Variants in CTNNA3 observed in about 807,000 individuals in gnomAD.
CTNNA3 encodes catenin alpha-3.
A neutral mutation model predicts 95.7 loss-of-function variants in CTNNA3; 76 were observed. That is an observed-to-expected ratio of 0.79 (90% CI 0.66 to 0.96). CTNNA3 has a LOEUF of 0.96. Ranked by LOEUF, CTNNA3 falls within the 40% of genes least tolerant of loss-of-function variation. The pLI is 0.00. For synonymous variants in CTNNA3, 431 were observed against 374.4 expected (o/e 1.15, Z -1.74); for missense variants, 1,191 against 1,089.8 (o/e 1.09, Z -1.31).
At chr10:66,910,629 T>G (rs970894423) in intron 7 of CTNNA3, among the ~76,000 whole-genome samples, 4 of 152,178 alleles carry the variant, frequency 2.6e-5, no homozygotes, top group African/African-American at 9.7e-5. Flanking sequence ...AGATAACATG[T>G]AAAGCCAACT....
At chr10:66,258,466 A>T (rs1172563257) in intron 13 of CTNNA3, among the ~76,000 whole-genome samples, 1 of 152,152 alleles carries the variant, frequency 6.6e-6, no homozygotes, top group Non-Finnish European at 1.5e-5. Context: ...CTTTATATGA[A>T]GCCCTCCAGG....
intron 10 of CTNNA3, among the ~76,000 whole-genome samples, chr10:66,574,808 T>C (rs1269743535): frequency 6.6e-6 from 1 of 152,150 alleles, no homozygotes; most frequent in Non-Finnish European, 1.5e-5. Context: ...AGGATGCTCA[T>C]GCCATAGCCT....
intron 13 of CTNNA3, among the ~76,000 whole-genome samples, chr10:66,248,199 A>G (rs1485575790): frequency 6.6e-6 from 1 of 152,132 alleles, no homozygotes; most frequent in Non-Finnish European, 1.5e-5. Context: ...AGATTATAAG[A>G]TAGTATTTGC....
rs188528784 is a variant in CTNNA3, at chr10:66,069,630, C to A, written c.1978-141G>T. The A allele has an allele frequency of 2.8e-3, 1,594 of 566,656 alleles. 16 individuals are homozygous for A. The highest frequency in any genetic ancestry group is 0.028 in the African/African-American group (1,431 of 51,138). 35.1% of individuals were successfully genotyped at this position (566,656 alleles called of 1,614,324 possible). ...TATAGTTAAATTCATTCAATTAAAA[C>A]TTTCCAGGCTTAATATTTCATATAA... On this transcript the variant is annotated intron_variant, in intron 14 of 17. Coordinates refer to ENST00000433211, the MANE Select transcript of CTNNA3 (RefSeq NM_013266.4).
At chr10:66,845,104 G>A (rs1843198793) in intron 7 of CTNNA3, among the ~76,000 whole-genome samples, 1 of 152,098 alleles carries the variant, frequency 6.6e-6, no homozygotes, top group African/African-American at 2.4e-5. Context: ...TAGGAAATAA[G>A]ACATGAAAGA....
intron 11 of CTNNA3, among the ~76,000 whole-genome samples, chr10:66,485,208 C>T (rs1839684124): frequency 2.6e-5 from 4 of 152,056 alleles, no homozygotes; most frequent in Admixed American, 2.6e-4. Flanking sequence ...TTCTATTAAA[C>T]ATAGTACTGG....
intron 9 of CTNNA3, among the ~76,000 whole-genome samples, chr10:66,693,902 T>C (rs1847657196): frequency 6.6e-6 from 1 of 152,036 alleles, no homozygotes; most frequent in Non-Finnish European, 1.5e-5. Flanking sequence ...AAAGATGTTC[T>C]TTGAAACCAA....
At chr10:66,464,723 A>G (rs916025176) in intron 11 of CTNNA3, among the ~76,000 whole-genome samples, 1 of 151,930 alleles carries the variant, frequency 6.6e-6, no homozygotes, top group Non-Finnish European at 1.5e-5. Context: ...AGATCATGCC[A>G]CTGCACTTCA....
At chr10:67,367,911 G>A (rs565624872) in intron 5 of CTNNA3, among the ~76,000 whole-genome samples, 59 of 152,244 alleles carry the variant, frequency 3.9e-4, no homozygotes, top group African/African-American at 1.0e-3. Flanking sequence ...AAAGGAAAGT[G>A]TTGAAAAACT....
At chr10:66,418,721 C>T (rs2093166859) in intron 11 of CTNNA3, among the ~76,000 whole-genome samples, 1 of 151,882 alleles carries the variant, frequency 6.6e-6, no homozygotes, top group Non-Finnish European at 1.5e-5. Flanking sequence ...CAAGGATGTT[C>T]AAGATATGCA....
At chr10:66,360,841 CT>C (rs2092666431) in intron 12 of CTNNA3, among the ~76,000 whole-genome samples, 1 of 114,536 alleles carries the variant, frequency 8.7e-6, no homozygotes, top group Non-Finnish European at 1.8e-5. Flanking sequence ...TTCTTTCTTT[CT>C]TTCTTTCTTT....
intron 17 of CTNNA3, among the ~76,000 whole-genome samples, chr10:65,963,071 T>C (rs1371052512): frequency 6.6e-6 from 1 of 152,230 alleles, no homozygotes; most frequent in East Asian, 1.9e-4. Context: ...TTTAGTCCCT[T>C]ATCTTTCTAA....
intron 9 of CTNNA3, among the ~76,000 whole-genome samples, chr10:66,650,101 T>C (rs1325242851): frequency 1.3e-5 from 2 of 150,410 alleles, no homozygotes; most frequent in African/African-American, 2.5e-5. Context: ...TTAGACCAAA[T>C]AGACCCAACA....
intron 5 of CTNNA3, among the ~76,000 whole-genome samples, chr10:67,258,463 G>A (rs1048520477): frequency 4.6e-5 from 7 of 152,104 alleles, no homozygotes; most frequent in African/African-American, 1.4e-4. Flanking sequence ...TTTCTTAAAA[G>A]TACTTGTCAT....
At chr10:66,926,634 A>G in intron 7 of CTNNA3, 1 of 1,597,820 alleles carries the variant, frequency 6.3e-7, no homozygotes, top group Non-Finnish European at 8.6e-7. Flanking sequence ...ACAAAAAACA[A>G]AAAACCTCTA....
At chr10:66,824,264 T>C (rs563047985) in intron 7 of CTNNA3, among the ~76,000 whole-genome samples, 15 of 152,280 alleles carry the variant, frequency 9.9e-5, no homozygotes, top group Admixed American at 3.9e-4. Context: ...ATCTGTGATA[T>C]AGCAGCTAGA....
At chr10:67,546,491 T>G (rs987995463) in intron 3 of CTNNA3, among the ~76,000 whole-genome samples, 9 of 152,158 alleles carry the variant, frequency 5.9e-5, no homozygotes, top group Admixed American at 5.2e-4. Context: ...GCAACATTAT[T>G]ATCATCTCCT....
At chr10:66,036,296 T>C (rs1475110982) in intron 15 of CTNNA3, among the ~76,000 whole-genome samples, 2 of 152,224 alleles carry the variant, frequency 1.3e-5, no homozygotes, top group African/African-American at 4.8e-5. Flanking sequence ...TGCTATACTT[T>C]GACATTCAAC....
upstream of CTNNA3, among the ~76,000 whole-genome samples, chr10:67,700,837 G>A (rs1564836066): frequency 6.6e-6 from 1 of 152,174 alleles, no homozygotes; most frequent in East Asian, 1.9e-4. Context: ...CGAACTACAG[G>A]AGGAAATTCA....
Sources: allele counts gnomAD v4.1 joint callset (sites outside exome capture counted in the v4.1 genomes callset), GRCh38; gene constraint gnomAD v4.1.1; transcripts MANE v1.5; gene names NCBI Gene and HGNC (gene_info 2026-07-23, HGNC 2026-07-21).